CHLSN: variants seen among roughly 807,000 people sequenced by gnomAD.
The protein encoded by CHLSN is protein cholesin.
the CHLSN span, among the ~76,000 whole-genome samples, chr7:1,136,433 CATATATATAAAT>C: frequency 2.0e-5 from 2 of 100,038 alleles, no homozygotes; most frequent in Non-Finnish European, 3.5e-5. Flanking sequence ...TATATATAAA[CATATATATAAAT>C]ATATATAAAC....
the CHLSN span, chr7:983,091 G>A: frequency 6.1e-5 from 52 of 857,362 alleles, no homozygotes; most frequent in South Asian, 1.4e-4. Context: ...CAAACTGCTC[G>A]TTCCACATTC....
At chr7:1,135,217 T>C in the CHLSN span, among the ~76,000 whole-genome samples, 10 of 152,132 alleles carry the variant, frequency 6.6e-5, no homozygotes, top group African/African-American at 2.4e-4. Context: ...TCCCATTCAG[T>C]CATGTGGCTT....
the CHLSN span, among the ~76,000 whole-genome samples, chr7:1,134,769 C>T: frequency 2.0e-5 from 3 of 151,458 alleles, no homozygotes; most frequent in African/African-American, 4.9e-5. Context: ...CTCAGCTACT[C>T]GGGAGGCTGA....
At chr7:1,127,189 C>G in the CHLSN span, 2 of 1,508,350 alleles carry the variant, frequency 1.3e-6, no homozygotes, top group Non-Finnish European at 1.8e-6. Flanking sequence ...GAGCCACCCC[C>G]TCTCCCTCCA....
chr7:1,052,776 C>T, the CHLSN span, among the ~76,000 whole-genome samples: 1 of 152,070 alleles, frequency 6.6e-6, no homozygotes. This position sits in a 1 kb window ranked among gnomAD's most constrained non-coding sequence, Gnocchi z 4.2. Context: ...GGGCATGTGC[C>T]AGCTCTGTTC....
At chr7:1,058,142 A>G in the CHLSN span, 9 of 743,916 alleles carry the variant, frequency 1.2e-5, no homozygotes, top group Non-Finnish European at 4.9e-6. Context: ...CGCTGGTGCT[A>G]CTCTCCCGCG....
the CHLSN span, chr7:1,024,457 A>G: frequency 6.6e-6 from 1 of 152,240 alleles, no homozygotes; most frequent in African/African-American, 2.4e-5. Context: ...CCAGGGGACA[A>G]GAGAGACGCA....
the CHLSN span, among the ~76,000 whole-genome samples, chr7:1,071,624 C>A: frequency 6.6e-6 from 1 of 152,142 alleles, no homozygotes; most frequent in East Asian, 1.9e-4. Flanking sequence ...TTCCACAGAC[C>A]CTGGGCAGGA....
the CHLSN span, among the ~76,000 whole-genome samples, chr7:1,008,822 A>G: frequency 8.7e-6 from 1 of 115,018 alleles, no homozygotes; most frequent in Non-Finnish European, 1.8e-5. Context: ...ACACGCACAT[A>G]TACACAACGT....
At chr7:1,076,456 G>A in the CHLSN span, among the ~76,000 whole-genome samples, 1 of 152,360 alleles carries the variant, frequency 6.6e-6, no homozygotes, top group African/African-American at 2.4e-5. Flanking sequence ...GAGTTCCCCT[G>A]TGGCACCGGT....
At chr7:1,032,199 G>A in the CHLSN span, among the ~76,000 whole-genome samples, 4 of 152,186 alleles carry the variant, frequency 2.6e-5, no homozygotes, top group Non-Finnish European at 4.4e-5. Flanking sequence ...CCCGGCCCAC[G>A]GGGCTGCCCC....
the CHLSN span, among the ~76,000 whole-genome samples, chr7:1,123,610 A>T: frequency 1.3e-4 from 19 of 150,528 alleles, no homozygotes; most frequent in South Asian, 2.1e-4. The surrounding 1 kb of genome is among the most constrained non-coding windows in gnomAD (Gnocchi z 4.4). Flanking sequence ...TTTTTTTTTT[A>T]AAACAATTTC....
chr7:1,030,172 T>C, the CHLSN span, among the ~76,000 whole-genome samples: 1 of 152,190 alleles, frequency 6.6e-6, no homozygotes, highest in Admixed American at 6.5e-5. Context: ...CCTGCCTCCA[T>C]GAACGCGCCA....
the CHLSN span, among the ~76,000 whole-genome samples, chr7:1,014,177 C>T: frequency 2.6e-5 from 4 of 152,230 alleles, no homozygotes; most frequent in Non-Finnish European, 5.9e-5. Context: ...AAACAAACCA[C>T]AAAGCCAAAC....
At chr7:1,000,093 A>AAGGCCGGCGGCAGGGCTCCTGG in the CHLSN span, among the ~76,000 whole-genome samples, 1 of 152,196 alleles carries the variant, frequency 6.6e-6, no homozygotes. Context: ...TTCTGCCCTG[A>AAGGCCGGCGGCAGGGCTCCTGG]AGGCCGGCGG....
chr7:1,037,644 T>G, the CHLSN span, among the ~76,000 whole-genome samples: 1 of 139,938 alleles, frequency 7.1e-6, no homozygotes, highest in East Asian at 2.0e-4. Flanking sequence ...AGTGCCGAGA[T>G]TGCAGCCTCT....
the CHLSN span, among the ~76,000 whole-genome samples, chr7:1,110,981 G>A: frequency 6.6e-6 from 1 of 152,220 alleles, no homozygotes; most frequent in South Asian, 2.1e-4. Flanking sequence ...AGAGGCCGAG[G>A]CAGAGAACTG....
At chr7:1,009,124 T>TG in the CHLSN span, among the ~76,000 whole-genome samples, 9 of 152,140 alleles carry the variant, frequency 5.9e-5, no homozygotes, top group Admixed American at 2.0e-4. Context: ...ACAGCCACAC[T>TG]GGGGGTCATC....
chr7:997,748 C>G, the CHLSN span: 1 of 1,606,230 alleles, frequency 6.2e-7, no homozygotes, highest in South Asian at 1.1e-5. Flanking sequence ...GCTCTCGGGC[C>G]CGGCCCTGCA....
Sources: gnomAD v4.1 joint callset for allele counts (sites outside exome capture counted in the v4.1 genomes callset) on GRCh38, gnomAD v4.1.1 for gene constraint, Gnocchi (gnomAD v3.1) non-coding constraint, MANE v1.5 for transcripts, NCBI Gene and HGNC (gene_info 2026-07-23, HGNC 2026-07-21) for gene names.